Variants in KCNQ1 observed in about 807,000 individuals in gnomAD.
The protein encoded by KCNQ1 is potassium voltage-gated channel subfamily Q member 1.
In KCNQ1, 49 loss-of-function variants were observed where a neutral mutation model predicts 72.4. The observed-to-expected ratio is 0.68, with a 90% CI of 0.54 to 0.86. KCNQ1 has a LOEUF of 0.86. KCNQ1 is among the 40% of genes least tolerant of loss of function. KCNQ1 has a pLI of 0.00. For missense variants in KCNQ1, 790 were observed against 945.1 expected, an observed-to-expected ratio of 0.84 and a Z score of 2.15; for synonymous variants, 450 against 412.6, an observed-to-expected ratio of 1.09 and a Z score of -1.10.
chr11:2,538,555 T>A lies in KCNQ1; in HGVS notation c.477+10537T>A, dbSNP rs1237000814. ...TGGGAGGAGGACAGCTGACATTCTT[T>A]CATGCGAAATCTGCTTGCGGGAGAG... On this transcript the variant is annotated intron_variant, in intron 2 of 15. Transcript: ENST00000155840. This position sits in a 1 kb window ranked among gnomAD's most constrained non-coding sequence, Gnocchi z 6.7. Among the ~76,000 whole-genome samples, 1 of 152,186 alleles carries A rather than the reference T, an allele frequency of 6.6e-6. No homozygotes were observed. The highest frequency in any genetic ancestry group is 2.4e-5 in the African/African-American group (1 of 41,456).
Position 2,588,851 on chromosome 11 carries a change from T to C in KCNQ1, c.1390T>C (p.Ser464Pro), listed in dbSNP as rs1484839840. ...DHFSVDGYDS[S>P]VRKSPTLLEV... ...CTTCTCTGTCGACGGCTATGACAGTTCTGGTGAGAACCCCTCAGGCAGTTG... is the reference window on the plus strand; with the variant it reads ...CTTCTCTGTCGACGGCTATGACAGTCCTGGTGAGAACCCCTCAGGCAGTTG... Residue 464 changes from serine to proline, a missense_variant, in exon 10 of 16, where the codon TCT becomes CCT. Ser to Pro is a moderately conservative substitution (Grantham distance 74, BLOSUM62 -1). Coordinates refer to ENST00000155840, the MANE Select transcript of KCNQ1 (RefSeq NM_000218.3). This position sits in a 1 kb window ranked among gnomAD's most constrained non-coding sequence, Gnocchi z 5.6. The C allele has an allele frequency of 6.2e-7, 1 of 1,611,336 alleles. No homozygotes were observed. The highest frequency in any genetic ancestry group is 1.1e-5 in the South Asian group (1 of 90,966).
At chr11:2,569,077 G>A (rs1350953489) in intron 2 of KCNQ1, among the ~76,000 whole-genome samples, 1 of 152,124 alleles carries the variant, frequency 6.6e-6, no homozygotes, top group Non-Finnish European at 1.5e-5. Flanking sequence ...GTGGAGACAG[G>A]GTTTCACCAT....
intron 10 of KCNQ1, among the ~76,000 whole-genome samples, chr11:2,607,178 C>T (rs749139230): frequency 6.6e-6 from 1 of 152,090 alleles, no homozygotes; most frequent in African/African-American, 2.4e-5. Context: ...GCTGGGATTA[C>T]AGGTGTGAAC....
chr11:2,523,899 C>G (rs552359260), intron 1 of KCNQ1, among the ~76,000 whole-genome samples: 2 of 152,170 alleles, frequency 1.3e-5, no homozygotes, highest in South Asian at 4.2e-4. Context: ...GCAGCGCCTT[C>G]CGTGCAGGTC....
At chr11:2,675,959 A>T (rs762090404) in intron 11 of KCNQ1, 21 of 398,544 alleles carry the variant, frequency 5.3e-5, no homozygotes, top group Middle Eastern at 6.2e-4. Context: ...TTCAGAGTAC[A>T]AAAGGGGTGA....
Position 2,549,231 on chromosome 11 carries a change from C to G in KCNQ1, c.477+21213C>G, listed in dbSNP as rs865973661. 1.4e-4 allele frequency among the ~76,000 whole-genome samples: 22 copies of G among 152,282 alleles called. No homozygotes were observed. Among genetic ancestry groups the G allele is most frequent in the African/African-American group, 5.3e-4 (22 of 41,562 alleles). On this transcript the variant is annotated intron_variant, in intron 2 of 15. Transcript: ENST00000155840. This position sits in a 1 kb window ranked among gnomAD's most constrained non-coding sequence, Gnocchi z 6.2. ...AGTGGCCATCAGCAGGCTACAGCAT[C>G]CAGCCAGTGCCACCAGGAGCCCACT... is the stretch of plus-strand genomic sequence containing the variant.
intron 1 of KCNQ1, among the ~76,000 whole-genome samples, chr11:2,485,216 G>A (rs987186082): frequency 1.3e-5 from 2 of 152,108 alleles, no homozygotes; most frequent in African/African-American, 2.4e-5. Flanking sequence ...GGTGTCCCCC[G>A]ATTCTGATTG....
intron 2 of KCNQ1, among the ~76,000 whole-genome samples, chr11:2,546,942 G>A (rs1847909418): frequency 1.3e-5 from 2 of 152,094 alleles, no homozygotes; most frequent in South Asian, 4.1e-4. Context: ...ATCATTGTTA[G>A]CATGGTATAT....
At position 2,617,776 on chromosome 11, in the gene KCNQ1, G is replaced by A. The variant is rs73415348; in HGVS notation, c.1393+28922G>A. On this transcript the variant is annotated intron_variant, in intron 10 of 15. Transcript: ENST00000155840. This position sits in a 1 kb window ranked among gnomAD's most constrained non-coding sequence, Gnocchi z 4.6. The stretch of plus-strand genomic sequence containing the variant: ...TAGTAATTTTGATTTGCATTTCCCT[G>A]ACGATTAGTGATGTTAAATGTCTTT... 6.5e-3 allele frequency: 2,599 copies of A among 398,522 alleles called. 53 individuals are homozygous for A. Among genetic ancestry groups the A allele is most frequent in the African/African-American group, 0.047 (2,310 of 48,720 alleles). The allele number at this position is 398,522 out of a possible 1,614,324, so 24.7% of individuals were successfully genotyped here. A position where few individuals can be genotyped will look rare whatever the true frequency, so the allele number is the denominator to read the frequency against.
chr11:2,574,853 G>T (rs539586814), intron 6 of KCNQ1, among the ~76,000 whole-genome samples: 1 of 152,364 alleles, frequency 6.6e-6, no homozygotes, highest in Non-Finnish European at 1.5e-5. Context: ...CCGCCTTCCT[G>T]GGGGCCTGTG....
chr11:2,744,030 C>T lies in KCNQ1; in HGVS notation c.1515-24814C>T, dbSNP rs184786191. Among the ~76,000 whole-genome samples the T allele has an allele frequency of 3.3e-5, 5 of 152,374 alleles. No homozygotes were observed. In the East Asian group the frequency reaches 9.6e-4, roughly 29 times the overall value. ...CTCGTGGGCTCTCAGCCCCAGGTGC[C>T]TGCCCTCACCCACGTAGCTTGGGAC... On this transcript the variant is annotated intron_variant, in intron 11 of 15. Coordinates refer to ENST00000155840, the MANE Select transcript of KCNQ1 (RefSeq NM_000218.3).
In KCNQ1 at chr11:2,601,600, C is replaced by T. The variant is rs1370087189; in HGVS notation, c.1393+12746C>T. Among the ~76,000 whole-genome samples, 1 of 152,186 alleles carries T rather than the reference C, an allele frequency of 6.6e-6. No individual in the cohort carries two copies. The highest frequency in any genetic ancestry group is 1.5e-5 in the Non-Finnish European group (1 of 68,022). On this transcript the variant is annotated intron_variant, in intron 10 of 15. Coordinates refer to ENST00000155840, the MANE Select transcript of KCNQ1 (RefSeq NM_000218.3). This position sits in a 1 kb window ranked among gnomAD's most constrained non-coding sequence, Gnocchi z 5.2. ...ATCCCATCCCTCCAATCCCTGGTGACCACTCATCTGTTCTCTGATTCTCTA... is the reference window on the plus strand; with the variant it reads ...ATCCCATCCCTCCAATCCCTGGTGATCACTCATCTGTTCTCTGATTCTCTA...
At chr11:2,756,441 T>TAAAAAAAAA (rs59499292) in intron 11 of KCNQ1, among the ~76,000 whole-genome samples, 2 of 137,246 alleles carry the variant, frequency 1.5e-5, no homozygotes, top group Non-Finnish European at 1.6e-5. Flanking sequence ...TTACTAAAAT[T>TAAAAAAAAA]AAAAAAAAAA....
rs994879010 is a variant in KCNQ1, at chr11:2,642,618, T to G, written c.1394-19343T>G. 15 of 397,840 alleles carry G rather than the reference T, an allele frequency of 3.8e-5. No homozygotes were observed. The highest frequency in any genetic ancestry group is 5.3e-5 in the Non-Finnish European group (12 of 225,688). The allele number at this position is 397,840 out of a possible 1,614,324, so 24.6% of individuals were successfully genotyped here. A position where few individuals can be genotyped will look rare whatever the true frequency, so the allele number is the denominator to read the frequency against. On this transcript the variant is annotated intron_variant, in intron 10 of 15. Transcript: ENST00000155840. This position sits in a 1 kb window ranked among gnomAD's most constrained non-coding sequence, Gnocchi z 4.3. ...TTTTGTTTCTTTTCAAAAACCGATTTTGCATTTCATTGATCCTTTATATTT... is the reference window on the plus strand; with the variant it reads ...TTTTGTTTCTTTTCAAAAACCGATTGTGCATTTCATTGATCCTTTATATTT...
chr11:2,747,284 A>G (rs534346059), intron 11 of KCNQ1, among the ~76,000 whole-genome samples: 1 of 152,390 alleles, frequency 6.6e-6, no homozygotes, highest in African/African-American at 2.4e-5. Flanking sequence ...TGTGCAAAGG[A>G]CATTAATTAC....
rs1428025223 is a variant in KCNQ1 at position 2,734,677 on chromosome 11, G to T, written c.1515-34167G>T. ...GGTAGCTTCCTGAAGAGATGAGTCA[G>T]GTCCCAGGCACATTCAGTGCCAGCC... On this transcript the variant is annotated intron_variant, in intron 11 of 15. Coordinates refer to ENST00000155840, the MANE Select transcript of KCNQ1 (RefSeq NM_000218.3). The surrounding 1 kb of genome is among the most constrained non-coding windows in gnomAD (Gnocchi z 7.0). Among the ~76,000 whole-genome samples the T allele has an allele frequency of 1.3e-5, 2 of 151,970 alleles. No homozygotes were observed. The highest frequency in any genetic ancestry group is 4.8e-5 in the African/African-American group (2 of 41,372).
rs1017155875 is a variant in KCNQ1 at position 2,751,232 on chromosome 11, A to G, written c.1515-17612A>G. Among the ~76,000 whole-genome samples, 3 of 151,932 alleles carry G rather than the reference A, an allele frequency of 2.0e-5. No individual in the cohort carries two copies. In the South Asian group the frequency reaches 6.2e-4, roughly 32 times the overall value. On this transcript the variant is annotated intron_variant, in intron 11 of 15. Transcript: ENST00000155840. ...CACCATGAAAACTTTATCCTCATCC[A>G]CACCTTTCTTTCTCCAACTAGCATG...
rs985796147 is a variant in KCNQ1, at chr11:2,748,960, G to A, written c.1515-19884G>A. Among the ~76,000 whole-genome samples the A allele has an allele frequency of 6.6e-6, 1 of 152,238 alleles. No individual in the cohort carries two copies. The highest frequency in any genetic ancestry group is 1.5e-5 in the Non-Finnish European group (1 of 68,044). On this transcript the variant is annotated intron_variant, in intron 11 of 15. Transcript: ENST00000155840. The surrounding 1 kb of genome is among the most constrained non-coding windows in gnomAD (Gnocchi z 6.2). ...TAACTGGGGCTGTGCTGCCTTTGAC[G>A]TGAGCTATTCAAAATGGCGGGAGGG...
At chr11:2,739,424 A>G (rs1478100587) in intron 11 of KCNQ1, among the ~76,000 whole-genome samples, 2 of 152,222 alleles carry the variant, frequency 1.3e-5, no homozygotes, top group Non-Finnish European at 2.9e-5. Flanking sequence ...TCACAGCCCC[A>G]TCAAAGGTCC....
Sources: allele counts gnomAD v4.1 joint callset (sites outside exome capture counted in the v4.1 genomes callset), GRCh38; gene constraint gnomAD v4.1.1; non-coding constraint Gnocchi (gnomAD v3.1); transcripts MANE v1.5; gene names NCBI Gene and HGNC (gene_info 2026-07-23, HGNC 2026-07-21).